The following TENT5D variants were observed in gnomAD, a reference collection of about 807,000 sequenced individuals.
TENT5D encodes the protein terminal nucleotidyltransferase 5D.
For missense variants in TENT5D, 191 were observed against 287.0 expected (o/e 0.67, Z 2.42); for synonymous variants, 103 against 100.6 (o/e 1.02, Z -0.15).
At chrX:80,366,305 A>G (rs987797785) in intron 3 of TENT5D, among the ~76,000 whole-genome samples, 3 of 109,976 alleles carry the variant, frequency 2.7e-5, no homozygotes, top group Non-Finnish European at 5.7e-5. Context: ...TTAATGAAGT[A>G]AGCATTCTTA....
At chrX:80,349,994 G>T (rs1409778305) in intron 3 of TENT5D, among the ~76,000 whole-genome samples, 1 of 111,544 alleles carries the variant, frequency 9.0e-6, no homozygotes, top group African/African-American at 3.3e-5. Context: ...GTTCTAATTT[G>T]ATTGCACTGT....
chrX:80,353,913 C>G (rs970885508), intron 3 of TENT5D, among the ~76,000 whole-genome samples: 3 of 111,989 alleles, frequency 2.7e-5, no homozygotes, highest in Admixed American at 9.5e-5. Flanking sequence ...CAAGCATTCC[C>G]TTGTTTCCAC....
At chrX:80,437,843 C>T (rs1479057105) in intron 1 of TENT5D, among the ~76,000 whole-genome samples, 2 of 110,778 alleles carry the variant, frequency 1.8e-5, no homozygotes, top group African/African-American at 6.5e-5. Context: ...TCTATAGGTA[C>T]GTATATATGG....
chrX:80,359,849 C>T (rs1002144619), intron 3 of TENT5D, among the ~76,000 whole-genome samples: 5 of 111,510 alleles, frequency 4.5e-5, no homozygotes, highest in Admixed American at 1.9e-4. Flanking sequence ...AGGAACCCTA[C>T]GTTAAATCCT....
chrX:80,396,371 TAAAC>T (rs1435511825), intron 3 of TENT5D, among the ~76,000 whole-genome samples: 1 of 110,756 alleles, frequency 9.0e-6, no homozygotes, highest in East Asian at 2.8e-4. Flanking sequence ...GGTCAGCAGA[TAAAC>T]AAGTGAACAA....
intron 3 of TENT5D, among the ~76,000 whole-genome samples, chrX:80,375,380 C>G (rs1602196337): frequency 9.0e-6 from 1 of 110,965 alleles, no homozygotes; most frequent in Middle Eastern, 4.6e-3. Flanking sequence ...CTTGTAAATT[C>G]TTAGTAGGCA....
At chrX:80,384,741 G>A (rs1328981129) in intron 3 of TENT5D, among the ~76,000 whole-genome samples, 2 of 105,963 alleles carry the variant, frequency 1.9e-5, no homozygotes, top group Admixed American at 1.0e-4. Context: ...AGGATACAAA[G>A]TCAATGTGCA....
chrX:80,344,195 G>C (rs187531103), intron 3 of TENT5D, among the ~76,000 whole-genome samples: 12 of 109,886 alleles, frequency 1.1e-4, no homozygotes, highest in Admixed American at 6.9e-4. Context: ...TATCTAGTCC[G>C]CCGTTGATGG....
chrX:80,404,376 T>C (rs916058106), intron 3 of TENT5D, among the ~76,000 whole-genome samples: 3 of 111,823 alleles, frequency 2.7e-5, no homozygotes, highest in Admixed American at 9.5e-5. Flanking sequence ...GTTAATAATA[T>C]TGACCATAAG....
rs192883177 is a variant in TENT5D at position 80,422,750 on chromosome X, C to T, written c.-142+2187C>T. ...CATTGGGATGAGTTTCTACTTTTCT[C>T]CTTCCTCAGATAGTGTTTAAGAGGG... is the stretch of plus-strand genomic sequence containing the variant. On this transcript the variant is annotated intron_variant, in intron 1 of 2. Coordinates refer to ENST00000308293, the Ensembl canonical transcript of TENT5D. Among the ~76,000 whole-genome samples the T allele has an allele frequency of 1.9e-3, 214 of 111,344 alleles. 1 individual carries two copies. Among genetic ancestry groups the T allele is most frequent in the Non-Finnish European group, 7.7e-4 (41 of 53,080 alleles).
chrX:80,369,362 G>A (rs1230025126), intron 3 of TENT5D, among the ~76,000 whole-genome samples: 1 of 112,055 alleles, frequency 8.9e-6, no homozygotes, highest in Non-Finnish European at 1.9e-5. Context: ...TATTTAGATT[G>A]TACTTAGATT....
At chrX:80,438,522 T>A (rs1241658340) in intron 1 of TENT5D, 88 bp from the exon 2 acceptor site, 1 of 109,508 alleles carries the variant, frequency 9.1e-6, no homozygotes, top group Non-Finnish European at 1.9e-5. Flanking sequence ...GTATATAATT[T>A]TCAGGACTGT....
intron 3 of TENT5D, among the ~76,000 whole-genome samples, chrX:80,383,578 C>T (rs1478991201): frequency 2.7e-5 from 3 of 112,222 alleles, no homozygotes; most frequent in African/African-American, 9.7e-5. Context: ...AAACTTGGGC[C>T]GGGCGCATTG....
chrX:80,433,961 C>G (rs138972941), intron 1 of TENT5D, among the ~76,000 whole-genome samples: 12,830 of 108,113 alleles, frequency 0.12, 899 homozygotes, highest in East Asian at 0.48. Flanking sequence ...ATGGTGAAAC[C>G]CCATCTCTAC....
chrX:80,357,903 G>A (rs1408072644), intron 3 of TENT5D, among the ~76,000 whole-genome samples: 2 of 111,581 alleles, frequency 1.8e-5, no homozygotes, highest in Non-Finnish European at 3.8e-5. Context: ...CACGCTACCT[G>A]ACTTCAAACT....
intron 3 of TENT5D, among the ~76,000 whole-genome samples, chrX:80,397,311 C>T (rs2147542774): frequency 9.5e-6 from 1 of 104,815 alleles, no homozygotes; most frequent in East Asian, 3.1e-4. Flanking sequence ...GGCAGAGGCG[C>T]TCCCCACATC....
At chrX:80,373,213 A>AT (rs964774752) in intron 3 of TENT5D, among the ~76,000 whole-genome samples, 5 of 110,818 alleles carry the variant, frequency 4.5e-5, no homozygotes, top group African/African-American at 1.3e-4. Context: ...TTTTAAAATT[A>AT]TTTTTTTCAG....
intron 3 of TENT5D, among the ~76,000 whole-genome samples, chrX:80,411,590 T>G (rs148198271): frequency 0.022 from 2,440 of 112,130 alleles, 78 homozygotes; most frequent in African/African-American, 0.075. Flanking sequence ...TTTACATAAT[T>G]TTTAAAATAA....
intron 3 of TENT5D, among the ~76,000 whole-genome samples, chrX:80,405,401 C>T (rs1341582724): frequency 8.9e-6 from 1 of 112,300 alleles, no homozygotes; most frequent in Admixed American, 9.4e-5. Context: ...GTGCACGCAC[C>T]GTGCGCGAGC....
Sources: allele counts gnomAD v4.1 joint callset (sites outside exome capture counted in the v4.1 genomes callset), GRCh38; gene constraint gnomAD v4.1.1; transcripts MANE v1.5; gene names NCBI Gene and HGNC (gene_info 2026-07-23, HGNC 2026-07-21).